Variants in AKAP12 observed in about 807,000 individuals in gnomAD.
AKAP12 encodes the protein A-kinase anchoring protein 12, also known as A-kinase anchor protein 12.
AKAP12 carries 32 observed loss-of-function variants against 79.9 expected under a neutral mutation model. That is an observed-to-expected ratio of 0.40 (90% confidence interval 0.30 to 0.54). The LOEUF (loss-of-function observed/expected upper bound fraction) is 0.54. Ranked by LOEUF, AKAP12 falls within the 20% of genes least tolerant of loss-of-function variation. AKAP12 has a pLI of 0.48. For missense variants in AKAP12, 2,074 were observed against 2,177.0 expected (o/e 0.95, Z 0.94); for synonymous variants, 808 against 857.0 (o/e 0.94, Z 1.00).
intron 3 of AKAP12, among the ~76,000 whole-genome samples, chr6:151,345,418 A>G (rs1778063467): frequency 6.6e-6 from 1 of 152,034 alleles, no homozygotes; most frequent in African/African-American, 2.4e-5. Flanking sequence ...AACATTAAGT[A>G]TATTTTTTCA....
At chr6:151,332,797 C>T (rs557534136) in intron 3 of AKAP12, among the ~76,000 whole-genome samples, 120 of 152,288 alleles carry the variant, frequency 7.9e-4, no homozygotes, top group Non-Finnish European at 1.5e-3. Flanking sequence ...CCGACCACTC[C>T]CTTTAACATT....
chr6:151,351,878 G>A lies in AKAP12; in HGVS notation c.3487G>A (p.Val1163Met). The A allele has an allele frequency of 6.2e-7, 1 of 1,614,118 alleles. No homozygotes were observed. ...GGAACAGGCTATCCCCCCTGACTCGGTGGAAACCCCTACAGACAGTGAGAC... is the reference window on the plus strand; with the variant it reads ...GGAACAGGCTATCCCCCCTGACTCGATGGAAACCCCTACAGACAGTGAGAC... ...VMEQAIPPDS[V>M]ETPTDSETDG... The change falls in exon 4 of 5, where the codon GTG becomes ATG. Residue 1163 changes from valine to methionine, a missense_variant. Physicochemically the swap from Val to Met is conservative, Grantham distance 21. This residue lies in a region of AKAP12 where 1,428 missense variants were observed against 1,451.0 expected (regional missense o/e 0.98). Coordinates refer to ENST00000402676, the MANE Select transcript of AKAP12 (RefSeq NM_005100.4). The surrounding 1 kb of genome is among the most constrained non-coding windows in gnomAD (Gnocchi z 4.4).
rs1156878344 is a variant in AKAP12, at chr6:151,319,535, TATATAG to T, written c.319+13644_319+13649del. On this transcript the variant is annotated intron_variant, in intron 3 of 4. Transcript: ENST00000402676. ...AGATATATCTCTATATAGATATATA[TATATAG>T]ATATAGATATATATATCTATATAGA... The T allele has an allele frequency of 1.0e-4, 9 of 88,724 alleles. No homozygotes were observed. The South Asian group carries it at 1.7e-3, about 17-fold the overall frequency. 5.5% of individuals were successfully genotyped at this position (88,724 alleles called of 1,614,324 possible). A position where few individuals can be genotyped will look rare whatever the true frequency, so the allele number is the denominator to read the frequency against.
intron 3 of AKAP12, among the ~76,000 whole-genome samples, chr6:151,342,864 G>A (rs1777988811): frequency 6.6e-6 from 1 of 152,140 alleles, no homozygotes; most frequent in African/African-American, 2.4e-5. Context: ...CCGGGTTCAA[G>A]TGATTCTCCT....
In AKAP12 at chr6:151,348,865, G is replaced by A. The variant is rs141795829; in HGVS notation, c.474G>A (p.Glu158=). ...CTTCTTCAGAAAGCAATTTAGAAGA[G>A]CTAACACAACCCACTGAGTCCCAGG... ...QIPSSESNLE[E]LTQPTESQAN... The change falls in exon 4 of 5, where the codon GAG becomes GAA. Residue 158 remains glutamate (E), a synonymous_variant. Coordinates refer to ENST00000402676, the MANE Select transcript of AKAP12 (RefSeq NM_005100.4). 1.1e-4 allele frequency: 185 copies of A among 1,614,126 alleles called. No individual in the cohort carries two copies. The African/African-American group carries it at 2.1e-3, about 19-fold the overall frequency.
At chr6:151,310,386 C>G (rs1287911023) in intron 3 of AKAP12, among the ~76,000 whole-genome samples, 1 of 151,626 alleles carries the variant, frequency 6.6e-6, no homozygotes, top group Non-Finnish European at 1.5e-5. Flanking sequence ...AAAAACAAAA[C>G]AGAAACCCAA....
chr6:151,261,737 AT>A lies in AKAP12; in HGVS notation c.162+21016del, dbSNP rs1215080305. Among the ~76,000 whole-genome samples the A allele has an allele frequency of 8.9e-3, 222 of 25,030 alleles. No individual in the cohort carries two copies. The African/African-American group carries it at 0.16, about 18-fold the overall frequency. The allele number at this position is 25,030 out of a possible 152,430, so 16.4% of individuals were successfully genotyped here. A position where few individuals can be genotyped will look rare whatever the true frequency, so the allele number is the denominator to read the frequency against. On this transcript the variant is annotated intron_variant, in intron 2 of 4. Coordinates refer to ENST00000402676, the MANE Select transcript of AKAP12 (RefSeq NM_005100.4). ...GAACAACAGTGGTTTTTATTATTTT[AT>A]TTATTTATTTATTTATTTATTTATT...
intron 2 of AKAP12, among the ~76,000 whole-genome samples, chr6:151,274,872 G>A (rs1260340237): frequency 6.6e-6 from 1 of 152,150 alleles, no homozygotes; most frequent in East Asian, 1.9e-4. Context: ...GGAGGCCGAG[G>A]CAGATGGATC....
chr6:151,322,416 C>CT (rs1777419653), intron 3 of AKAP12, among the ~76,000 whole-genome samples: 1 of 152,124 alleles, frequency 6.6e-6, no homozygotes, highest in African/African-American at 2.4e-5. Flanking sequence ...ATTCAAGACC[C>CT]TTTATAAATA....
Position 151,325,632 on chromosome 6 carries a change from T to TG in AKAP12, c.319+19734dup. On this transcript the variant is annotated intron_variant, in intron 3 of 4. Transcript: ENST00000402676. ...GTGGGTGGCTGGGTGGGGGCGTGGG[T>TG]GGGGGTCCGCCTATAATTATCTGGG... 4 of 975,936 alleles carry TG rather than the reference T, an allele frequency of 4.1e-6. No individual in the cohort carries two copies. In the East Asian group the frequency reaches 9.1e-5, roughly 22 times the overall value. The allele number at this position is 975,936 out of a possible 1,614,324, so 60.5% of individuals were successfully genotyped here. A position where few individuals can be genotyped will look rare whatever the true frequency, so the allele number is the denominator to read the frequency against.
At chr6:151,334,161 C>G (rs1303228373) in intron 3 of AKAP12, among the ~76,000 whole-genome samples, 1 of 151,998 alleles carries the variant, frequency 6.6e-6, no homozygotes, top group Non-Finnish European at 1.5e-5. Context: ...TTACATGGTG[C>G]AAATAAAGAA....
chr6:151,342,079 T>A (rs1271243620), intron 3 of AKAP12, among the ~76,000 whole-genome samples: 2 of 152,190 alleles, frequency 1.3e-5, no homozygotes, highest in Admixed American at 6.5e-5. Flanking sequence ...TGGCTGTGGC[T>A]GCGGTCAGCT....
At chr6:151,345,370 T>C (rs1199914133) in intron 3 of AKAP12, among the ~76,000 whole-genome samples, 2 of 151,696 alleles carry the variant, frequency 1.3e-5, no homozygotes, top group African/African-American at 4.8e-5. Context: ...CCACCGCGCC[T>C]GGCTAGTTAT....
rs1427902553 is a variant in AKAP12, at chr6:151,352,263, G to C, written c.3872G>C (p.Gly1291Ala). ...GGACTTGAGGGGTCTATAGACACAG[G>C]CATAACAGTCAGTCGGGAAAAGGTC... ...FEGLEGSIDTGITVSREKVTE... is the reference protein window; with the variant it reads ...FEGLEGSIDTAITVSREKVTE... The change falls in exon 4 of 5, where the codon GGC (glycine) becomes GCC (alanine). Residue 1291 changes from glycine to alanine, a missense_variant. Gly to Ala is a moderately conservative substitution (Grantham distance 60). Coordinates refer to ENST00000402676, the MANE Select transcript of AKAP12 (RefSeq NM_005100.4). The C allele has an allele frequency of 6.2e-7, 1 of 1,614,180 alleles. No individual in the cohort carries two copies. Among genetic ancestry groups the C allele is most frequent in the South Asian group, 1.1e-5 (1 of 91,066 alleles).
At chr6:151,339,251 T>G (rs1339535291) in intron 3 of AKAP12, among the ~76,000 whole-genome samples, 2 of 152,244 alleles carry the variant, frequency 1.3e-5, no homozygotes, top group East Asian at 3.8e-4. Context: ...AAAATAAGAA[T>G]GTTTATGCTT....
At chr6:151,306,304 CTA>C (rs1468615723) in intron 3 of AKAP12, among the ~76,000 whole-genome samples, 1 of 152,176 alleles carries the variant, frequency 6.6e-6, no homozygotes, top group African/African-American at 2.4e-5. Flanking sequence ...TTTGCTTAAA[CTA>C]TGATGTGCTG....
chr6:151,267,913 GTC>G (rs1303628988), intron 2 of AKAP12, among the ~76,000 whole-genome samples: 5 of 152,174 alleles, frequency 3.3e-5, no homozygotes, highest in African/African-American at 4.8e-5. Context: ...ACCCAAACCT[GTC>G]TCTCTCGGCG....
intron 2 of AKAP12, among the ~76,000 whole-genome samples, chr6:151,243,775 C>T (rs189395098): frequency 2.0e-5 from 3 of 152,012 alleles, no homozygotes; most frequent in Admixed American, 1.3e-4. Flanking sequence ...CTGCAGGGTG[C>T]GGGAAGATTA....
At position 151,350,643 on chromosome 6, in the gene AKAP12, C is replaced by G; in HGVS notation, c.2252C>G (p.Thr751Ser). Residue 751 changes from threonine (T) to serine (S), a missense_variant, in exon 4 of 5, where the codon ACC becomes AGC. Coordinates refer to ENST00000402676, the MANE Select transcript of AKAP12 (RefSeq NM_005100.4). This position sits in a 1 kb window ranked among gnomAD's most constrained non-coding sequence, Gnocchi z 4.8. ...SSSPEQAGSPTEGEGVSTWES... is the reference protein window; with the variant it reads ...SSSPEQAGSPSEGEGVSTWES... ...TCCCCGGAGCAAGCTGGAAGCCCTA[C>G]CGAAGGGGAGGGCGTTTCCACCTGG... The G allele has an allele frequency of 6.2e-7, 1 of 1,613,950 alleles. No individual in the cohort carries two copies. The highest frequency in any genetic ancestry group is 8.5e-7 in the Non-Finnish European group (1 of 1,179,988).
Sources: allele counts gnomAD v4.1 joint callset (sites outside exome capture counted in the v4.1 genomes callset), GRCh38; gene constraint gnomAD v4.1.1; regional missense constraint gnomAD v4.1.1; non-coding constraint Gnocchi (gnomAD v3.1); transcripts MANE v1.5; gene names NCBI Gene and HGNC (gene_info 2026-07-23, HGNC 2026-07-21).